IFNAR2: variants seen among roughly 807,000 people sequenced by gnomAD.
IFNAR2 encodes the protein interferon alpha/beta receptor 2.
IFNAR2 carries 30 observed loss-of-function variants against 49.4 expected under a neutral mutation model. The observed-to-expected ratio is 0.61, with a 90% CI of 0.45 to 0.82. The LOEUF (loss-of-function observed/expected upper bound fraction) is 0.82, where lower values mean the gene tolerates loss of function less well. IFNAR2 is among the 40% of genes least tolerant of loss of function. The pLI, the probability that IFNAR2 is intolerant of heterozygous loss-of-function variation, is 0.00. For missense variants in IFNAR2, 600 were observed against 622.7 expected (o/e 0.96, Z 0.39); for synonymous variants, 224 against 234.5 (o/e 0.96, Z 0.41).
At chr21:33,240,996 A>G (rs17860169) in intron 1 of IFNAR2, among the ~76,000 whole-genome samples, 48,957 of 151,952 alleles carry the variant, frequency 0.32, 8,418 homozygotes, top group East Asian at 0.58. Context: ...ATGTGCACAC[A>G]TTGACATATA....
chr21:33,230,039 G>A lies in IFNAR2; in HGVS notation c.-261G>A. The A allele has an allele frequency of 1.0e-6, 1 of 985,782 alleles. No homozygotes were observed. Among genetic ancestry groups the A allele is most frequent in the Non-Finnish European group, 1.2e-6 (1 of 830,044 alleles). The allele number at this position is 985,782 out of a possible 1,614,324, so 61.1% of individuals were successfully genotyped here. A position where few individuals can be genotyped will look rare whatever the true frequency, so the allele number is the denominator to read the frequency against. ...GCCGGCGAGCCGAACAGTTCCCCGA[G>A]CGCAGCCCGCGGACCACCACCCGGC... On this transcript the variant is annotated 5_prime_UTR_variant, in exon 1 of 9. Transcript: ENST00000342136. This position sits in a 1 kb window ranked among gnomAD's most constrained non-coding sequence, Gnocchi z 5.5.
intron 7 of IFNAR2, among the ~76,000 whole-genome samples, chr21:33,255,135 A>C (rs1988119522): frequency 1.3e-5 from 2 of 152,242 alleles, no homozygotes; most frequent in Non-Finnish European, 2.9e-5. Flanking sequence ...TATGTCAGCA[A>C]ATACAGGCAA....
At chr21:33,241,203 A>C (rs1986896226) in intron 1 of IFNAR2, among the ~76,000 whole-genome samples, 1 of 152,202 alleles carries the variant, frequency 6.6e-6, no homozygotes, top group African/African-American at 2.4e-5. Context: ...TTTTTTAAAA[A>C]GCGTGTATCC....
At position 33,263,388 on chromosome 21, in the gene IFNAR2, C is replaced by A; in HGVS notation, c.1436C>A (p.Pro479Gln). 1 of 1,614,144 alleles carries A rather than the reference C, an allele frequency of 6.2e-7. No individual in the cohort carries two copies. The highest frequency in any genetic ancestry group is 8.5e-7 in the Non-Finnish European group (1 of 1,180,020). ...CTGGCCAGCGGGGAAGGGACACAGC[C>A]AACCTTTCCCAGCCCCTCTTCAGAG... ...HLLASGEGTQPTFPSPSSEGL... is the reference protein window; with the variant it reads ...HLLASGEGTQQTFPSPSSEGL... Residue 479 changes from proline (P) to glutamine (Q), a missense_variant, in exon 9 of 9, where the codon CCA becomes CAA. Pro to Gln is a moderately conservative substitution (Grantham distance 76, BLOSUM62 -1). Coordinates refer to ENST00000342136, the MANE Select transcript of IFNAR2 (RefSeq NM_001289125.3).
chr21:33,242,367 A>G (rs1212735619), intron 2 of IFNAR2, among the ~76,000 whole-genome samples: 3 of 152,166 alleles, frequency 2.0e-5, no homozygotes, highest in Non-Finnish European at 2.9e-5. Flanking sequence ...AGGATGGACA[A>G]TTGCCTCTGA....
At chr21:33,242,182 T>C (rs1420284347) in intron 2 of IFNAR2, among the ~76,000 whole-genome samples, 1 of 152,188 alleles carries the variant, frequency 6.6e-6, no homozygotes, top group African/African-American at 2.4e-5. Context: ...CTGTTGTTAA[T>C]TTTAGGAAAA....
At chr21:33,249,568 C>G (rs1987699002) in intron 6 of IFNAR2, among the ~76,000 whole-genome samples, 5 of 152,140 alleles carry the variant, frequency 3.3e-5, no homozygotes, top group Admixed American at 3.3e-4. Context: ...AGGTTCTGTC[C>G]TCTCCTAATT....
At chr21:33,233,535 G>C (rs969695661) in intron 1 of IFNAR2, among the ~76,000 whole-genome samples, 1 of 152,112 alleles carries the variant, frequency 6.6e-6, no homozygotes, top group Non-Finnish European at 1.5e-5. Flanking sequence ...AATCTAAGAA[G>C]AAAAAGTAAA....
At chr21:33,240,147 A>G (rs148141485) in intron 1 of IFNAR2, among the ~76,000 whole-genome samples, 2 of 152,172 alleles carry the variant, frequency 1.3e-5, no homozygotes, top group Non-Finnish European at 2.9e-5. Flanking sequence ...CCTCTCACAC[A>G]TTTGTAAATA....
At chr21:33,233,526 A>G (rs1226338153) in intron 1 of IFNAR2, among the ~76,000 whole-genome samples, 1 of 152,238 alleles carries the variant, frequency 6.6e-6, no homozygotes. Flanking sequence ...AGATTTAGGA[A>G]TCTAAGAAGA....
chr21:33,256,442 G>A (rs541544496), intron 7 of IFNAR2, among the ~76,000 whole-genome samples: 2 of 152,184 alleles, frequency 1.3e-5, no homozygotes, highest in South Asian at 2.1e-4. Context: ...GCCATCTGAC[G>A]TGCCCTCAAC....
intron 2 of IFNAR2, 143 bp from the exon 3 acceptor site, chr21:33,243,530 C>G (rs924261641): frequency 2.8e-6 from 2 of 715,690 alleles, no homozygotes; most frequent in Non-Finnish European, 2.5e-6. Flanking sequence ...TAAAAACCAT[C>G]TATGTGGGCA....
intron 7 of IFNAR2, among the ~76,000 whole-genome samples, chr21:33,258,063 G>A (rs1159689087): frequency 6.6e-6 from 1 of 152,160 alleles, no homozygotes; most frequent in African/African-American, 2.4e-5. Context: ...CCAGCACTTT[G>A]GGGGGCCGAG....
At position 33,230,450 on chromosome 21, in the gene IFNAR2, C is replaced by A; in HGVS notation, c.-84+234C>A. On this transcript the variant is annotated intron_variant, in intron 1 of 8. Coordinates refer to ENST00000342136, the MANE Select transcript of IFNAR2 (RefSeq NM_001289125.3). The surrounding 1 kb of genome is among the most constrained non-coding windows in gnomAD (Gnocchi z 5.5). Reference sequence around the variant, plus strand: ...GACCCCTCCCGGGCCCTGTCCTGCGCCCTCCACGCGTCGCCCCTGCTGGGA... The same window carrying A: ...GACCCCTCCCGGGCCCTGTCCTGCGACCTCCACGCGTCGCCCCTGCTGGGA... 2.1e-6 allele frequency: 1 copy of A among 471,582 alleles called. No individual in the cohort carries two copies. 29.2% of individuals were successfully genotyped at this position (471,582 alleles called of 1,614,324 possible).
At position 33,263,121 on chromosome 21, in the gene IFNAR2, T is replaced by TA. The variant is rs753065131; in HGVS notation, c.1169_1170insA (p.Ser392GlufsTer5). The TA allele has an allele frequency of 6.2e-7, 1 of 1,614,164 alleles. No individual in the cohort carries two copies. Among genetic ancestry groups the TA allele is most frequent in the Admixed American group, 1.7e-5 (1 of 60,028 alleles). ...AAGGACAGCCCTCAGCAGTTGGAAC[T>TA]CTTGAGTGGGCCCTGTGAGAGGAGA... On this transcript the variant is annotated frameshift_variant, in exon 9 of 9. Coordinates refer to ENST00000342136, the MANE Select transcript of IFNAR2 (RefSeq NM_001289125.3). LOFTEE classifies it high-confidence loss of function.
intron 7 of IFNAR2, among the ~76,000 whole-genome samples, chr21:33,259,901 C>G (rs1333287258): frequency 1.3e-5 from 2 of 152,054 alleles, no homozygotes; most frequent in Non-Finnish European, 2.9e-5. Flanking sequence ...TTCCTTTTTT[C>G]TCCCCTCTAT....
Position 33,252,712 on chromosome 21 carries a change from T to C in IFNAR2, c.591T>C (p.Ile197=), listed in dbSNP as rs143620417. ...TGAGTGGAAATTTCACCTATATCAT[T>C]GACAAGTTAATTCCAAACACGAACT... The part of the protein sequence containing the change: ...GNMSGNFTYI[I]DKLIPNTNYC... The change falls in exon 7 of 9, where the codon ATT becomes ATC. Residue 197 remains isoleucine (I), a synonymous_variant. Transcript: ENST00000342136. The C allele has an allele frequency of 7.7e-5, 125 of 1,613,918 alleles. No homozygotes were observed. In the African/African-American group the frequency reaches 1.3e-3, roughly 17 times the overall value.
intron 6 of IFNAR2, among the ~76,000 whole-genome samples, chr21:33,250,844 T>A (rs767127863): frequency 2.6e-5 from 4 of 152,200 alleles, no homozygotes; most frequent in Non-Finnish European, 4.4e-5. Context: ...CAGCTCATAA[T>A]TCTGCATATA....
rs778828060 is a variant in IFNAR2, at chr21:33,263,297, C to T, written c.1345C>T (p.Leu449=). ...DSDDLEAPLM[L]SSHLEEMVDP... ...TGACGACTTAGAAGCCCCTCTGATG[C>T]TATCGTCTCATCTGGAAGAGATGGT... Residue 449 remains leucine (L), a synonymous_variant, in exon 9 of 9, where the codon CTA becomes TTA. Coordinates refer to ENST00000342136, the MANE Select transcript of IFNAR2 (RefSeq NM_001289125.3). 1 of 1,614,200 alleles carries T rather than the reference C, an allele frequency of 6.2e-7. No homozygotes were observed. Among genetic ancestry groups the T allele is most frequent in the Non-Finnish European group, 8.5e-7 (1 of 1,180,026 alleles).
Sources: gnomAD v4.1 joint callset for allele counts (sites outside exome capture counted in the v4.1 genomes callset) on GRCh38, gnomAD v4.1.1 for gene constraint, Gnocchi (gnomAD v3.1) non-coding constraint, MANE v1.5 for transcripts, NCBI Gene and HGNC (gene_info 2026-07-23, HGNC 2026-07-21) for gene names.